The following ERN1 variants were observed in gnomAD, a reference collection of about 807,000 sequenced individuals.
ERN1 encodes serine/threonine-protein kinase/endoribonuclease IRE1.
In ERN1, 39 loss-of-function variants were observed where a neutral mutation model predicts 113.1. The ratio of observed to expected loss-of-function variants is 0.34; its 90% CI spans 0.27 to 0.45. The LOEUF (loss-of-function observed/expected upper bound fraction) is 0.45, where lower values mean the gene tolerates loss of function less well. Among genes scored for constraint, ERN1 ranks in the 20% least tolerant of loss-of-function variants. The pLI is 1.00. For missense variants in ERN1, 976 were observed against 1,274.8 expected, an observed-to-expected ratio of 0.77 and a Z score of 3.57; for synonymous variants, 507 against 515.9, an observed-to-expected ratio of 0.98 and a Z score of 0.23.
In ERN1 at chr17:64,064,081, T is replaced by TCCC; in HGVS notation, c.989_991dup (p.Gly330dup). ...GTCCGTGCTGGGCGTGATCACACACTCCCCCTTGTCCCCAATGGTGACGCC... is the reference window on the plus strand; with the variant it reads ...GTCCGTGCTGGGCGTGATCACACACTCCCCCCCCTTGTCCCCAATGGTGACGCC... On this transcript the variant is annotated inframe_insertion, in exon 10 of 22. Transcript: ENST00000433197. The TCCC allele has an allele frequency of 6.2e-7, 1 of 1,612,820 alleles. No homozygotes were observed. Among genetic ancestry groups the TCCC allele is most frequent in the Non-Finnish European group, 8.5e-7 (1 of 1,179,308 alleles).
At chr17:64,045,316 C>T (rs745530104) in intron 20 of ERN1, 43 bp downstream of exon 20, 1 of 1,611,942 alleles carries the variant, frequency 6.2e-7, no homozygotes, top group South Asian at 1.1e-5. Flanking sequence ...AAGGCGGCAG[C>T]GACTTTTGCA....
At chr17:64,068,804 C>T (rs1173879099) in intron 6 of ERN1, among the ~76,000 whole-genome samples, 3 of 152,094 alleles carry the variant, frequency 2.0e-5, no homozygotes, top group African/African-American at 7.2e-5. Context: ...GTGGAGGGTG[C>T]CATGATGAGC....
chr17:64,118,644 T>C (rs1384963703), intron 1 of ERN1, among the ~76,000 whole-genome samples: 1 of 152,212 alleles, frequency 6.6e-6, no homozygotes, highest in African/African-American at 2.4e-5. Context: ...AATGTGATGC[T>C]TGAAAGCAAG....
Position 64,055,782 on chromosome 17 carries a change from C to A in ERN1, c.1565G>T (p.Gly522Val). The part of the protein sequence containing the change: ...DTSGPYSESS[G>V]TSSPSTSPRA... Reference sequence around the variant, plus strand: ...GGGGGACGTGCTGGGGCTGCTGGTGCCCGAGCTCTCTGAGTACGGGCCAGA... The same window carrying A: ...GGGGGACGTGCTGGGGCTGCTGGTGACCGAGCTCTCTGAGTACGGGCCAGA... Residue 522 changes from glycine (G) to valine (V), a missense_variant, in exon 13 of 22, where the codon GGC (glycine) becomes GTC (valine). Physicochemically the swap from Gly to Val is moderately radical, Grantham distance 109. Transcript: ENST00000433197. 6.2e-7 allele frequency: 1 copy of A among 1,601,230 alleles called. No individual in the cohort carries two copies. The highest frequency in any genetic ancestry group is 8.5e-7 in the Non-Finnish European group (1 of 1,174,442).
In ERN1 at chr17:64,114,582, TG is replaced by T. The variant is rs1463754218; in HGVS notation, c.54+15393del. ...GAGGGGATATGGGACACGGTGAGGTTGGGGGAGAAGTCCCAGAATGGCGTGG... is the reference window on the plus strand; with the variant it reads ...GAGGGGATATGGGACACGGTGAGGTTGGGGAGAAGTCCCAGAATGGCGTGG... On this transcript the variant is annotated intron_variant, in intron 1 of 21. Transcript: ENST00000433197. 5.3e-5 allele frequency among the ~76,000 whole-genome samples: 8 copies of T among 152,306 alleles called. No individual in the cohort carries two copies. The East Asian group carries it at 1.5e-3, about 29-fold the overall frequency.
intron 5 of ERN1, among the ~76,000 whole-genome samples, chr17:64,073,315 C>T (rs1217075021): frequency 3.0e-5 from 4 of 134,522 alleles, no homozygotes; most frequent in African/African-American, 5.5e-5. Context: ...ACTACAGGTG[C>T]GTGCCACCAC....
chr17:64,062,893 A>G (rs975361970), intron 10 of ERN1, among the ~76,000 whole-genome samples: 1 of 152,244 alleles, frequency 6.6e-6, no homozygotes, highest in African/African-American at 2.4e-5. Context: ...CAGGATGAAA[A>G]AAGAAATGGA....
rs533496752 is a variant in ERN1, at chr17:64,061,330, A to G, written c.1088-743T>C. ...ACATACTGCCCCAAAGAGCCAGGTC[A>G]CTGTTTCAGATTAGGCTGCCAGTAG... is the stretch of plus-strand genomic sequence containing the variant. On this transcript the variant is annotated intron_variant, in intron 10 of 21. Coordinates refer to ENST00000433197, the MANE Select transcript of ERN1 (RefSeq NM_001433.5). 3.0e-4 allele frequency among the ~76,000 whole-genome samples: 46 copies of G among 152,356 alleles called. No homozygotes were observed. The South Asian group carries it at 7.0e-3, about 23-fold the overall frequency.
intron 1 of ERN1, among the ~76,000 whole-genome samples, chr17:64,128,251 TC>T (rs1915135103): frequency 6.6e-6 from 1 of 150,576 alleles, no homozygotes; most frequent in Admixed American, 6.7e-5. Context: ...CCTCAAGTGA[TC>T]CACCCACCTC....
intron 1 of ERN1, among the ~76,000 whole-genome samples, chr17:64,121,516 C>T (rs1349880134): frequency 2.0e-5 from 3 of 151,676 alleles, no homozygotes; most frequent in Admixed American, 1.3e-4. Context: ...GTTGTTGAGA[C>T]GGAGTCTCTG....
intron 2 of ERN1, among the ~76,000 whole-genome samples, chr17:64,097,357 C>G (rs1914258070): frequency 6.6e-6 from 1 of 152,174 alleles, no homozygotes; most frequent in Non-Finnish European, 1.5e-5. Context: ...ATTGGCTGTG[C>G]TCGTGAAAGT....
chr17:64,056,370 G>T (rs1364380365), intron 12 of ERN1, among the ~76,000 whole-genome samples: 1 of 152,240 alleles, frequency 6.6e-6, no homozygotes, highest in Non-Finnish European at 1.5e-5. Context: ...GCCACCCACC[G>T]TGTCTGTGTG....
At chr17:64,109,466 T>C (rs1189904021) in intron 1 of ERN1, among the ~76,000 whole-genome samples, 2 of 152,234 alleles carry the variant, frequency 1.3e-5, no homozygotes, top group Non-Finnish European at 2.9e-5. Context: ...TTGACTGACT[T>C]CTGCCAGCCA....
chr17:64,072,374 A>G (rs928345577), intron 5 of ERN1, among the ~76,000 whole-genome samples: 1 of 152,256 alleles, frequency 6.6e-6, no homozygotes. Context: ...CAAACTTTCA[A>G]GTTAGATTTT....
rs1187409604 is a variant in ERN1, at chr17:64,044,249, CG to C, written c.2722-50del. On this transcript the variant is annotated intron_variant, in intron 21 of 21. Coordinates refer to ENST00000433197, the MANE Select transcript of ERN1 (RefSeq NM_001433.5). The surrounding 1 kb of genome is among the most constrained non-coding windows in gnomAD (Gnocchi z 4.1). ...GAGATTAGAAAGGGGTTAGAAAGCT[CG>C]GGAAATGTTGGCAAAACACCCTTTC... 18 of 1,332,904 alleles carry C rather than the reference CG, an allele frequency of 1.4e-5. No individual in the cohort carries two copies. Among genetic ancestry groups the C allele is most frequent in the Non-Finnish European group, 1.7e-5 (17 of 1,000,394 alleles). The allele number at this position is 1,332,904 out of a possible 1,614,324, so 82.6% of individuals were successfully genotyped here.
rs537166028 is a variant in ERN1, at chr17:64,076,685, C to T, written c.283-1438G>A. On this transcript the variant is annotated intron_variant, in intron 4 of 21. Transcript: ENST00000433197. ...CGTGATCTCGGCTCACTGCAAGCTC[C>T]GCCTCCCGGGTTGATGCCATTCTCC... 4.6e-5 allele frequency among the ~76,000 whole-genome samples: 7 copies of T among 151,958 alleles called. No individual in the cohort carries two copies. The East Asian group carries it at 5.8e-4, about 13-fold the overall frequency.
chr17:64,092,862 G>A (rs1914127340), intron 2 of ERN1, among the ~76,000 whole-genome samples: 1 of 152,130 alleles, frequency 6.6e-6, no homozygotes, highest in South Asian at 2.1e-4. Context: ...AACATTCTCA[G>A]TTTGCATTTC....
At chr17:64,097,941 C>G in intron 2 of ERN1, 180 bp downstream of exon 2, 1 of 738,460 alleles carries the variant, frequency 1.4e-6, no homozygotes. Context: ...TAGTGGATAA[C>G]CACAGCAAAG....
chr17:64,052,953 T>C lies in ERN1; in HGVS notation c.2080A>G (p.Ile694Val), dbSNP rs755415776. The stretch of plus-strand genomic sequence containing the variant: ...TGTGCATTGGGCATGGATATGAGGA[T>C]GTTGTGTGGCTTTAGGTCTCTGTGA... ...IVHRDLKPHN[I>V]LISMPNAHGK... Residue 694 changes from isoleucine (I) to valine (V), a missense_variant, in exon 17 of 22, where the codon ATC (isoleucine) becomes GTC (valine). Physicochemically the swap from Ile to Val is conservative, Grantham distance 29. This residue lies in a region of ERN1 where 297 missense variants were observed against 457.8 expected (regional missense o/e 0.65). Coordinates refer to ENST00000433197, the MANE Select transcript of ERN1 (RefSeq NM_001433.5). 1.2e-6 allele frequency: 2 copies of C among 1,613,014 alleles called. No individual in the cohort carries two copies. The highest frequency in any genetic ancestry group is 1.7e-6 in the Non-Finnish European group (2 of 1,179,408).
Sources: gnomAD v4.1 joint callset for allele counts (sites outside exome capture counted in the v4.1 genomes callset) on GRCh38, gnomAD v4.1.1 for gene constraint, gnomAD v4.1.1 regional missense constraint, Gnocchi (gnomAD v3.1) non-coding constraint, MANE v1.5 for transcripts, NCBI Gene and HGNC (gene_info 2026-07-23, HGNC 2026-07-21) for gene names.